Variants in CPAMD8 observed in about 807,000 individuals in gnomAD.
The protein encoded by CPAMD8 is C3 and PZP-like alpha-2-macroglobulin domain-containing protein 8.
CPAMD8 carries 146 observed loss-of-function variants against 224.7 expected under a neutral mutation model. That is an observed-to-expected ratio of 0.65 (90% confidence interval 0.57 to 0.75). The LOEUF is 0.75. Among genes scored for constraint, CPAMD8 ranks in the 30% least tolerant of loss-of-function variants. The pLI is 0.00. For synonymous variants in CPAMD8, 966 were observed against 1,044.6 expected (o/e 0.92, Z 1.45); for missense variants, 2,301 against 2,537.5 (o/e 0.91, Z 2.00).
In CPAMD8 at chr19:16,997,239, T is replaced by C. The variant is rs2056158933; in HGVS notation, c.967A>G (p.Thr323Ala). Residue 323 changes from threonine to alanine, a missense_variant, in exon 11 of 42, where the codon ACC becomes GCC. Transcript: ENST00000443236. ...RGRVSIWAMV[T>A]SVDGSQQVAF... ...ACCTGCTGGCTCCCGTCCACACTGG[T>C]CACCATGGCCCAGATGCTGACCCTG... The C allele has an allele frequency of 1.9e-6, 3 of 1,558,104 alleles. No homozygotes were observed. The highest frequency in any genetic ancestry group is 2.7e-5 in the African/African-American group (2 of 73,834).
At chr19:16,919,423 G>A (rs566260153) in intron 27 of CPAMD8, among the ~76,000 whole-genome samples, 30 of 152,296 alleles carry the variant, frequency 2.0e-4, no homozygotes, top group African/African-American at 6.7e-4. Context: ...ACAGCCATGT[G>A]AGGGAGCCAA....
In CPAMD8 at chr19:17,002,247, A is replaced by AG. The variant is rs1211078852; in HGVS notation, c.758+18dup. ...GGGAAGGGCCCCCCCAGTGTGCCCC[A>AG]GGGGTCCCTCTTTCTCACCTGGCCC... is the stretch of plus-strand genomic sequence containing the variant. On this transcript the variant is annotated intron_variant, in intron 9 of 41. Transcript: ENST00000443236. The AG allele has an allele frequency of 4.6e-6, 7 of 1,538,044 alleles. No homozygotes were observed. Among genetic ancestry groups the AG allele is most frequent in the Non-Finnish European group, 5.3e-6 (6 of 1,122,824 alleles).
intron 2 of CPAMD8, 54 bp downstream of exon 2, chr19:17,021,976 G>T: frequency 6.7e-7 from 1 of 1,496,096 alleles, no homozygotes; most frequent in South Asian, 1.3e-5. Flanking sequence ...GCCAGCAAGT[G>T]GCTCCACTTT....
chr19:16,936,974 C>T (rs2053706362), intron 23 of CPAMD8, among the ~76,000 whole-genome samples: 1 of 151,492 alleles, frequency 6.6e-6, no homozygotes. Context: ...CTTTTTTTCC[C>T]TCTTTTCTTT....
chr19:16,991,641 G>A (rs111877499), intron 12 of CPAMD8, among the ~76,000 whole-genome samples: 5,230 of 152,190 alleles, frequency 0.034, 135 homozygotes, highest in Non-Finnish European at 0.053. Flanking sequence ...GATTGCCTGA[G>A]GTCAGGAGTT....
intron 29 of CPAMD8, among the ~76,000 whole-genome samples, chr19:16,911,228 T>A (rs1433246281): frequency 6.6e-6 from 1 of 151,986 alleles, no homozygotes; most frequent in African/African-American, 2.4e-5. Context: ...TTACAGCCAC[T>A]CCCTATCGCT....
chr19:16,986,597 A>G (rs1022723102), intron 13 of CPAMD8, among the ~76,000 whole-genome samples: 1 of 152,154 alleles, frequency 6.6e-6, no homozygotes, highest in East Asian at 1.9e-4. Context: ...CCCAGGAAAC[A>G]GGCAGCCTTG....
chr19:17,018,717 TACACACACACAC>T (rs367984655), intron 3 of CPAMD8, among the ~76,000 whole-genome samples: 3,377 of 136,808 alleles, frequency 0.025, 143 homozygotes, highest in African/African-American at 0.088. Context: ...CTACTAAAAA[TACACACACACAC>T]ACACACACAC....
At position 16,954,162 on chromosome 19, in the gene CPAMD8, G is replaced by A. The variant is rs188572382; in HGVS notation, c.2277-1962C>T. 2.3e-4 allele frequency among the ~76,000 whole-genome samples: 35 copies of A among 151,908 alleles called. No individual in the cohort carries two copies. The East Asian group carries it at 6.0e-3, about 26-fold the overall frequency. On this transcript the variant is annotated intron_variant, in intron 19 of 41. Coordinates refer to ENST00000443236, the MANE Select transcript of CPAMD8 (RefSeq NM_015692.5). ...ACCCAGAAGTAGTGGGTGAAACCCC[G>A]TCTCTACTAAAAATACGAAAATTAG...
chr19:17,004,277 C>A lies in CPAMD8; in HGVS notation c.669G>T (p.Lys223Asn). ...CCCTGAGATTCTCCAACTTACCATA[C>A]TTCTGAACTTCAAAAGACTTGTTGT... ...HAYNKSFEVQ[K>N]YVLPKFELLI... is the part of the protein sequence containing the mutation. The change falls in exon 8 of 42, where the codon AAG becomes AAT. Residue 223 changes from lysine to asparagine, a missense_variant. Transcript: ENST00000443236. The A allele has an allele frequency of 1.3e-6, 2 of 1,597,446 alleles. No individual in the cohort carries two copies. The highest frequency in any genetic ancestry group is 1.7e-6 in the Non-Finnish European group (2 of 1,165,028).
chr19:17,009,244 G>GCCC, intron 6 of CPAMD8, 59 bp downstream of exon 6: 1 of 1,613,642 alleles, frequency 6.2e-7, no homozygotes, highest in Non-Finnish European at 8.5e-7. Context: ...ACCAGATCTT[G>GCCC]CAGAAGGTGG....
Position 16,945,657 on chromosome 19 carries a change from G to A in CPAMD8, c.2685C>T (p.Asp895=). 7 of 1,614,164 alleles carry A rather than the reference G, an allele frequency of 4.3e-6. No homozygotes were observed. Among genetic ancestry groups the A allele is most frequent in the Non-Finnish European group, 5.9e-6 (7 of 1,179,984 alleles). ...NITAKALAYG[D]TNCCRDGRSS... The stretch of plus-strand genomic sequence containing the variant: ...ACCTCCCATCCCGGCAGCAATTTGT[G>A]TCTCCGTAAGCAAGGGCTTTGGCTG... The change falls in exon 22 of 42, where the codon GAC becomes GAT. Residue 895 remains aspartate (D), a synonymous_variant. Transcript: ENST00000443236.
Position 16,966,800 on chromosome 19 carries a change from T to A in CPAMD8, c.2213+4091A>T, listed in dbSNP as rs1464354022. Among the ~76,000 whole-genome samples, 3 of 152,152 alleles carry A rather than the reference T, an allele frequency of 2.0e-5. No homozygotes were observed. The East Asian group carries it at 5.8e-4, about 29-fold the overall frequency. Reference sequence around the variant, plus strand: ...AAAACCACAATGAGATACCATCTCATGCCAATTAGAATGGCGATCATTAAA... The same window carrying A: ...AAAACCACAATGAGATACCATCTCAAGCCAATTAGAATGGCGATCATTAAA... On this transcript the variant is annotated intron_variant, in intron 18 of 41. Transcript: ENST00000443236.
intron 13 of CPAMD8, among the ~76,000 whole-genome samples, chr19:16,987,503 G>A (rs962196582): frequency 4.0e-5 from 6 of 151,074 alleles, no homozygotes; most frequent in Non-Finnish European, 5.9e-5. Flanking sequence ...TTTTACCTGC[G>A]CCTGCCAGCG....
Position 16,977,407 on chromosome 19 carries a change from G to C in CPAMD8, c.1719C>G (p.Asp573Glu), listed in dbSNP as rs767641190. 1.2e-6 allele frequency: 2 copies of C among 1,612,758 alleles called. No individual in the cohort carries two copies. The highest frequency in any genetic ancestry group is 1.7e-6 in the Non-Finnish European group (2 of 1,179,342). The change falls in exon 15 of 42, where the codon GAC becomes GAG. Residue 573 changes from aspartate to glutamate, a missense_variant. This residue lies in a region of CPAMD8 where 301 missense variants were observed against 406.6 expected (regional missense o/e 0.74). Coordinates refer to ENST00000443236, the MANE Select transcript of CPAMD8 (RefSeq NM_015692.5). ...AGGTCTCGACTGCAAACTGAAGGCT[G>C]TCGGCGACCCCTTCTCCATTCTCCC... ...YVRENGEGVA[D>E]SLQFAVETFF...
In CPAMD8 at chr19:16,897,952, G is replaced by A. The variant is rs1479634595; in HGVS notation, c.4891C>T (p.Arg1631Trp). Residue 1631 changes from arginine (R) to tryptophan (W), a missense_variant, in exon 38 of 42, where the codon CGG becomes TGG. Physicochemically the swap from Arg to Trp is moderately radical, Grantham distance 101. Transcript: ENST00000443236. ...GACGTCCTGCCCACCACGCACTCCC[G>A]GAGAGCACGGAACCGCACGCACGTC... ...CLTCVRFRAL[R>W]ECVVGRTSAL... 1.9e-6 allele frequency: 3 copies of A among 1,611,264 alleles called. No homozygotes were observed. Among genetic ancestry groups the A allele is most frequent in the African/African-American group, 2.7e-5 (2 of 74,852 alleles).
At chr19:16,916,160 C>T (rs1276432443) in intron 27 of CPAMD8, among the ~76,000 whole-genome samples, 1 of 152,006 alleles carries the variant, frequency 6.6e-6, no homozygotes, top group African/African-American at 2.4e-5. Flanking sequence ...ACTACAGGGA[C>T]GTGCCACGAC....
At chr19:16,925,173 C>T in intron 26 of CPAMD8, 23 bp downstream of exon 26, 1 of 1,612,692 alleles carries the variant, frequency 6.2e-7, no homozygotes, top group South Asian at 1.1e-5. Context: ...CCCACCTCAA[C>T]CCAGGCACTT....
intron 19 of CPAMD8, 188 bp downstream of exon 19, chr19:16,957,665 G>A (rs1252860491): frequency 1.4e-5 from 9 of 635,414 alleles, no homozygotes; most frequent in South Asian, 2.0e-5. Flanking sequence ...ACAGGCAAAC[G>A]TCCAAATGTG....
Sources: allele counts gnomAD v4.1 joint callset (sites outside exome capture counted in the v4.1 genomes callset), GRCh38; gene constraint gnomAD v4.1.1; regional missense constraint gnomAD v4.1.1; transcripts MANE v1.5; gene names NCBI Gene and HGNC (gene_info 2026-07-23, HGNC 2026-07-21).